MAP3K13: variants seen among roughly 807,000 people sequenced by gnomAD.
MAP3K13 encodes the protein mitogen-activated protein kinase kinase kinase 13, also known as leucine zipper-bearing kinase.
Under a neutral mutation model 104.0 loss-of-function variants are expected in MAP3K13, and 52 were observed. The ratio of observed to expected loss-of-function variants is 0.50; its 90% CI spans 0.40 to 0.63. MAP3K13 has a LOEUF of 0.63. MAP3K13 is among the 20% of genes least tolerant of loss of function. MAP3K13 has a pLI of 0.00. For synonymous variants in MAP3K13, 394 were observed against 442.2 expected, an observed-to-expected ratio of 0.89 and a Z score of 1.37; for missense variants, 914 against 1,218.5, an observed-to-expected ratio of 0.75 and a Z score of 3.72.
chr3:185,481,623 G>T (rs917940342), intron 13 of MAP3K13, among the ~76,000 whole-genome samples: 4 of 152,148 alleles, frequency 2.6e-5, no homozygotes, highest in African/African-American at 9.7e-5. Context: ...GGCTAGCATA[G>T]TGGTTCTAAG....
At position 185,323,519 on chromosome 3, in the gene MAP3K13, G is replaced by A. The variant is rs146424949; in HGVS notation, c.-86+37876G>A. Among the ~76,000 whole-genome samples the A allele has an allele frequency of 2.1e-4, 32 of 152,144 alleles. No homozygotes were observed. In the East Asian group the frequency reaches 6.2e-3, roughly 29 times the overall value. ...CAGCTAATTTTGTATTTTTAGTAGA[G>A]ATGGGGTTTTTCAGTGTAGGTCAGG... On this transcript the variant is annotated intron_variant, in intron 2 of 14. Coordinates refer to the MAP3K13 transcript ENST00000424227.
At chr3:185,358,768 AG>A (rs1450699389), upstream of MAP3K13, among the ~76,000 whole-genome samples, 1 of 152,250 alleles carries the variant, frequency 6.6e-6, no homozygotes, top group African/African-American at 2.4e-5. Context: ...AATTCTGACC[AG>A]TATTCCCAAC....
intron 2 of MAP3K13, among the ~76,000 whole-genome samples, chr3:185,334,472 C>T (rs958887801): frequency 6.6e-6 from 1 of 151,620 alleles, no homozygotes; most frequent in Non-Finnish European, 1.5e-5. Context: ...GCAGATTTGT[C>T]GGTGGAACAG....
At chr3:185,468,865 G>A (rs529625394) in intron 10 of MAP3K13, among the ~76,000 whole-genome samples, 2 of 152,324 alleles carry the variant, frequency 1.3e-5, no homozygotes, top group African/African-American at 2.4e-5. Context: ...GAGTCTGCCC[G>A]ATGGCTGCTC....
chr3:185,385,045 T>C (rs1242256872), intron 1 of MAP3K13, among the ~76,000 whole-genome samples: 1 of 152,208 alleles, frequency 6.6e-6, no homozygotes, highest in Non-Finnish European at 1.5e-5. Context: ...ATTTCCTTGA[T>C]ATTTTTTTCT....
rs1021688745 is a variant in MAP3K13 at position 185,485,955 on chromosome 3, A to C, written c.*3499A>C. 1.3e-5 allele frequency: 2 copies of C among 152,208 alleles called. No homozygotes were observed. Among genetic ancestry groups the C allele is most frequent in the Non-Finnish European group, 2.9e-5 (2 of 68,042 alleles). The allele number at this position is 152,208 out of a possible 1,614,324, so 9.4% of individuals were successfully genotyped here. A position where few individuals can be genotyped will look rare whatever the true frequency, so the allele number is the denominator to read the frequency against. ...ACTGGAAAAAAATTCTTGAAAGGCT[A>C]TATTTTCCATCCTCTTGACTTCAGA... is the stretch of plus-strand genomic sequence containing the variant. On this transcript the variant is annotated 3_prime_UTR_variant, in exon 14 of 14. Coordinates refer to ENST00000265026, the MANE Select transcript of MAP3K13 (RefSeq NM_004721.5).
intron 1 of MAP3K13, among the ~76,000 whole-genome samples, chr3:185,406,075 A>G (rs1170286065): frequency 6.6e-6 from 1 of 152,220 alleles, no homozygotes; most frequent in Non-Finnish European, 1.5e-5. Flanking sequence ...CTAGAATTAT[A>G]CAATGTCACG....
At chr3:185,463,725 TA>T (rs1560126420) in intron 8 of MAP3K13, 66 bp downstream of exon 8, 1 of 872,202 alleles carries the variant, frequency 1.1e-6, no homozygotes, top group Non-Finnish European at 1.9e-6. Flanking sequence ...CAGGCACCCT[TA>T]TCATAACCAC....
chr3:185,344,679 G>A (rs757528086), intron 2 of MAP3K13, among the ~76,000 whole-genome samples: 2 of 152,108 alleles, frequency 1.3e-5, no homozygotes, highest in South Asian at 4.1e-4. Flanking sequence ...CAGCTACCAC[G>A]TTGATTGCTT....
In MAP3K13 at chr3:185,443,457, T is replaced by C; in HGVS notation, c.672T>C (p.Thr224=). ...GTTTTCTTGGAAGGGGTGTTTGTAC[T>C]CAGGCCCCATGTTATTGTATTATCA... ...PNIIAFKGVC[T]QAPCYCIIME... is the part of the protein sequence containing the mutation. The change falls in exon 4 of 14, where the codon ACT becomes ACC. Residue 224 remains threonine, a synonymous_variant. Transcript: ENST00000265026. 6.2e-7 allele frequency: 1 copy of C among 1,611,226 alleles called. No individual in the cohort carries two copies. The highest frequency in any genetic ancestry group is 1.1e-5 in the South Asian group (1 of 90,864).
chr3:185,305,997 G>A (rs946557979), intron 2 of MAP3K13, among the ~76,000 whole-genome samples: 3 of 152,150 alleles, frequency 2.0e-5, no homozygotes, highest in African/African-American at 7.2e-5. Flanking sequence ...TGTACCCAAT[G>A]TTTAGCTTCC....
At chr3:185,431,280 G>C (rs796578936) in intron 2 of MAP3K13, among the ~76,000 whole-genome samples, 13 of 152,266 alleles carry the variant, frequency 8.5e-5, no homozygotes, top group African/African-American at 3.1e-4. Context: ...CATGTCTTAA[G>C]TATAATTCTT....
chr3:185,331,125 C>T (rs1231753361), intron 2 of MAP3K13, among the ~76,000 whole-genome samples: 1 of 89,960 alleles, frequency 1.1e-5, no homozygotes, highest in Non-Finnish European at 2.2e-5. Context: ...CGGAGTTTCA[C>T]TCTTGTTGCC....
intron 2 of MAP3K13, among the ~76,000 whole-genome samples, chr3:185,329,772 A>G (rs1473818601): frequency 1.3e-5 from 2 of 152,176 alleles, no homozygotes; most frequent in Admixed American, 6.5e-5. Flanking sequence ...TTAAGGTCGC[A>G]TGTGGTGTTG....
chr3:185,331,796 C>G (rs1301939444), intron 2 of MAP3K13, among the ~76,000 whole-genome samples: 1 of 152,156 alleles, frequency 6.6e-6, no homozygotes, highest in Admixed American at 6.5e-5. Context: ...ATTATTTTTC[C>G]ATGTATCTTT....
chr3:185,388,863 C>A (rs1203279962), intron 1 of MAP3K13, among the ~76,000 whole-genome samples: 1 of 152,082 alleles, frequency 6.6e-6, no homozygotes, highest in Non-Finnish European at 1.5e-5. Context: ...AGAATAGAAC[C>A]AGAAATAAAT....
intron 1 of MAP3K13, among the ~76,000 whole-genome samples, chr3:185,366,449 C>T (rs1723891461): frequency 6.6e-6 from 1 of 152,086 alleles, no homozygotes; most frequent in South Asian, 2.1e-4. Context: ...TGGGTATATA[C>T]CTGGGACTTG....
intron 7 of MAP3K13, among the ~76,000 whole-genome samples, chr3:185,455,714 G>GAT (rs1467726006): frequency 9.3e-5 from 1 of 10,734 alleles, no homozygotes; most frequent in African/African-American, 1.9e-4. Flanking sequence ...AGATATATAT[G>GAT]AGATATATAT....
In MAP3K13 at chr3:185,482,975, G is replaced by A. The variant is rs772714025; in HGVS notation, c.*519G>A. The A allele has an allele frequency of 8.6e-6, 2 of 232,038 alleles. No individual in the cohort carries two copies. The highest frequency in any genetic ancestry group is 1.7e-5 in the Non-Finnish European group (2 of 117,478). 14.4% of individuals were successfully genotyped at this position (232,038 alleles called of 1,614,324 possible). A position where few individuals can be genotyped will look rare whatever the true frequency, so the allele number is the denominator to read the frequency against. The stretch of plus-strand genomic sequence containing the variant: ...TAAAGAAGAGCCAGAGCAAGACATT[G>A]AACATTTTAGAACACAAAGAACAGC... On this transcript the variant is annotated 3_prime_UTR_variant, in exon 14 of 14. Transcript: ENST00000265026. The surrounding 1 kb of genome is among the most constrained non-coding windows in gnomAD (Gnocchi z 4.5).
Sources: gnomAD v4.1 joint callset for allele counts (sites outside exome capture counted in the v4.1 genomes callset) on GRCh38, gnomAD v4.1.1 for gene constraint, Gnocchi (gnomAD v3.1) non-coding constraint, MANE v1.5 for transcripts, NCBI Gene and HGNC (gene_info 2026-07-23, HGNC 2026-07-21) for gene names.